Variants in REV3L observed in about 807,000 individuals in gnomAD.
REV3L encodes the protein DNA polymerase zeta catalytic subunit.
REV3L carries 69 observed loss-of-function variants against 299.4 expected under a neutral mutation model. The ratio of observed to expected loss-of-function variants is 0.23; its 90% CI spans 0.19 to 0.28. The LOEUF is 0.28. Among genes scored for constraint, REV3L ranks in the 10% least tolerant of loss-of-function variants. The probability of loss-of-function intolerance (pLI) is 1.00; values close to 1 mark genes in which losing one functional copy is unlikely to be tolerated. For missense variants in REV3L, 3,128 were observed against 3,693.8 expected, an observed-to-expected ratio of 0.85 and a Z score of 3.97; for synonymous variants, 1,238 against 1,271.4, an observed-to-expected ratio of 0.97 and a Z score of 0.56.
At chr6:111,445,012 G>T (rs1013893994) in intron 1 of REV3L, among the ~76,000 whole-genome samples, 1 of 152,188 alleles carries the variant, frequency 6.6e-6, no homozygotes, top group Non-Finnish European at 1.5e-5. Context: ...TCAAGCAACC[G>T]ATCACCTCAT....
intron 9 of REV3L, among the ~76,000 whole-genome samples, chr6:111,386,401 C>T (rs1365282618): frequency 6.6e-6 from 1 of 152,130 alleles, no homozygotes; most frequent in Admixed American, 6.5e-5. Context: ...CAGTAGGATT[C>T]TATTTCACAC....
chr6:111,375,925 T>C lies in REV3L; in HGVS notation c.2430A>G (p.Arg810=). The change falls in exon 13 of 32, where the codon AGA becomes AGG. Residue 810 remains arginine (R), a synonymous_variant. Transcript: ENST00000368802. Reference sequence around the variant, plus strand: ...ATGTGACAGGAGATAGTTTCTGTGGTCTAGTAAGACAGTTAGAAAGAACAA... The same window carrying C: ...ATGTGACAGGAGATAGTTTCTGTGGCCTAGTAAGACAGTTAGAAAGAACAA... ...PSVVLSNCLT[R]PQKLSPVTYK... 1 of 1,614,018 alleles carries C rather than the reference T, an allele frequency of 6.2e-7. No individual in the cohort carries two copies. Among genetic ancestry groups the C allele is most frequent in the Non-Finnish European group, 8.5e-7 (1 of 1,179,918 alleles).
intron 1 of REV3L, among the ~76,000 whole-genome samples, chr6:111,427,644 A>G (rs1460727483): frequency 6.6e-6 from 1 of 152,228 alleles, no homozygotes; most frequent in African/African-American, 2.4e-5. Context: ...TCCAGCACCA[A>G]GCATGCAGAA....
intron 1 of REV3L, among the ~76,000 whole-genome samples, chr6:111,470,211 C>T (rs934225458): frequency 7.6e-6 from 1 of 131,380 alleles, no homozygotes; most frequent in African/African-American, 2.9e-5. Context: ...CACACACACA[C>T]AAATGTGAAT....
Position 111,303,701 on chromosome 6 carries a change from C to CTTTTT in REV3L, c.9253-3550_9253-3546dup, listed in dbSNP as rs58366929. Among the ~76,000 whole-genome samples the CTTTTT allele has an allele frequency of 4.7e-4, 6 of 12,642 alleles. 1 individual carries two copies. The highest frequency in any genetic ancestry group is 5.9e-4 in the Non-Finnish European group (4 of 6,770). 8.3% of individuals were successfully genotyped at this position (12,642 alleles called of 152,430 possible). ...TTTTTTTTTTTTTAACAGACTATGACTTTTTTTTTTTTTTTTTTTTTTTTT... is the reference window on the plus strand; with the variant it reads ...TTTTTTTTTTTTTAACAGACTATGACTTTTTTTTTTTTTTTTTTTTTTTTTTTTTT... On this transcript the variant is annotated intron_variant, in intron 31 of 31. Transcript: ENST00000368802.
Position 111,482,938 on chromosome 6 carries a change from A to AGCAGCAGCGGCGGCGGCTCCC in REV3L, c.-71_-51dup, listed in dbSNP as rs1554256783. The AGCAGCAGCGGCGGCGGCTCCC allele has an allele frequency of 3.4e-6, 5 of 1,474,936 alleles. No individual in the cohort carries two copies. The East Asian group carries it at 1.1e-4, about 33-fold the overall frequency. 91.4% of individuals were successfully genotyped at this position (1,474,936 alleles called of 1,614,324 possible). A position where few individuals can be genotyped will look rare whatever the true frequency, so the allele number is the denominator to read the frequency against. On this transcript the variant is annotated 5_prime_UTR_variant, in exon 1 of 32. Coordinates refer to ENST00000368802, the MANE Select transcript of REV3L (RefSeq NM_001372078.1). ...CCTTCACTGGCGACCCGGCAGCGGCAGCAGCAGCGGCGGCGGCTCCCTCCG... is the reference window on the plus strand; with the variant it reads ...CCTTCACTGGCGACCCGGCAGCGGCAGCAGCAGCGGCGGCGGCTCCCGCAGCAGCGGCGGCGGCTCCCTCCG...
chr6:111,435,203 C>G (rs1340623823), intron 1 of REV3L, among the ~76,000 whole-genome samples: 1 of 152,178 alleles, frequency 6.6e-6, no homozygotes, highest in Admixed American at 6.5e-5. Flanking sequence ...CAGCAAGATC[C>G]TGTCTCAAAA....
At chr6:111,389,977 A>G (rs1390154103) in intron 6 of REV3L, 109 bp downstream of exon 6, 3 of 651,192 alleles carry the variant, frequency 4.6e-6, no homozygotes, top group African/African-American at 3.7e-5. Flanking sequence ...CTCATGATCC[A>G]CCCACCTTGG....
At position 111,373,367 on chromosome 6, in the gene REV3L, C is replaced by A. The variant is rs755066126; in HGVS notation, c.4988G>T (p.Gly1663Val). The change falls in exon 13 of 32, where the codon GGA becomes GTA. Residue 1663 changes from glycine (G) to valine (V), a missense_variant. Coordinates refer to ENST00000368802, the MANE Select transcript of REV3L (RefSeq NM_001372078.1). Reference sequence around the variant, plus strand: ...CTGATCAGCTGGGACAAACTGACTTCCAGAATAAAAGCTACAAAATCCAGT... The same window carrying A: ...CTGATCAGCTGGGACAAACTGACTTACAGAATAAAAGCTACAAAATCCAGT... ...GQTGFCSFYS[G>V]SQFVPADQNL... The A allele has an allele frequency of 1.9e-6, 3 of 1,613,482 alleles. No individual in the cohort carries two copies. The highest frequency in any genetic ancestry group is 2.5e-6 in the Non-Finnish European group (3 of 1,179,814).
chr6:111,388,704 GGCA>G (rs1266011506), intron 7 of REV3L, among the ~76,000 whole-genome samples: 1 of 152,062 alleles, frequency 6.6e-6, no homozygotes, highest in African/African-American at 2.4e-5. Flanking sequence ...ATAAACTGTG[GGCA>G]GCATTTCAAT....
At chr6:111,370,080 CT>C in intron 13 of REV3L, among the ~76,000 whole-genome samples, 1 of 152,244 alleles carries the variant, frequency 6.6e-6, no homozygotes, top group Non-Finnish European at 1.5e-5. Context: ...ATCTGCCCAC[CT>C]TGGCCTCCCA....
At chr6:111,389,927 C>T (rs546427295) in intron 6 of REV3L, among the ~76,000 whole-genome samples, 159 bp downstream of exon 6, 2 of 151,634 alleles carry the variant, frequency 1.3e-5, no homozygotes, top group African/African-American at 2.4e-5. Context: ...TTAGTAGAGA[C>T]GGGGTTTCAC....
At chr6:111,358,314 G>A (rs984461083) in intron 17 of REV3L, among the ~76,000 whole-genome samples, 7 of 152,064 alleles carry the variant, frequency 4.6e-5, no homozygotes, top group Non-Finnish European at 8.8e-5. Flanking sequence ...CATACATAAG[G>A]AAGACTGTGC....
chr6:111,358,484 CTA>C (rs972213705), intron 17 of REV3L, among the ~76,000 whole-genome samples: 8 of 151,956 alleles, frequency 5.3e-5, no homozygotes, highest in African/African-American at 1.7e-4. Flanking sequence ...TGGGGTCTTG[CTA>C]TGTTACCCAG....
chr6:111,461,960 A>G (rs1486311033), intron 1 of REV3L, among the ~76,000 whole-genome samples: 3 of 152,168 alleles, frequency 2.0e-5, no homozygotes, highest in South Asian at 2.1e-4. Flanking sequence ...TAAAAGAGAC[A>G]TGTCAAAATG....
chr6:111,372,574 A>C, intron 13 of REV3L, 22 bp downstream of exon 13: 1 of 1,469,146 alleles, frequency 6.8e-7, no homozygotes, highest in Non-Finnish European at 9.0e-7. Flanking sequence ...AGAGTGACCC[A>C]AGGGAAAAAA....
At chr6:111,348,431 T>G (rs1268478289) in intron 20 of REV3L, among the ~76,000 whole-genome samples, 2 of 152,222 alleles carry the variant, frequency 1.3e-5, no homozygotes, top group Non-Finnish European at 2.9e-5. Context: ...TCCCAAAGCC[T>G]TAATTATTAA....
intron 1 of REV3L, among the ~76,000 whole-genome samples, chr6:111,470,891 A>G (rs1011346752): frequency 2.0e-5 from 3 of 148,922 alleles, no homozygotes; most frequent in Non-Finnish European, 4.5e-5. Context: ...GAGGCAGGAG[A>G]ATCATTTGAA....
chr6:111,430,132 A>G, intron 1 of REV3L: 1 of 787,414 alleles, frequency 1.3e-6, no homozygotes, highest in South Asian at 1.3e-5. Flanking sequence ...GAGGCAGAAA[A>G]AGACCTCCAG....
Sources: allele counts gnomAD v4.1 joint callset (sites outside exome capture counted in the v4.1 genomes callset), GRCh38; gene constraint gnomAD v4.1.1; transcripts MANE v1.5; gene names NCBI Gene and HGNC (gene_info 2026-07-23, HGNC 2026-07-21).